The following RNF216 variants were observed in gnomAD, a reference collection of about 807,000 sequenced individuals.
The protein encoded by RNF216 is ring finger protein 216, also known as E3 ubiquitin-protein ligase RNF216.
Under a neutral mutation model 110.8 loss-of-function variants are expected in RNF216, and 72 were observed. The ratio of observed to expected loss-of-function variants is 0.65; its 90% CI spans 0.54 to 0.79. RNF216 has a LOEUF of 0.79. Ranked by LOEUF, RNF216 falls within the 30% of genes least tolerant of loss-of-function variation. The pLI, the probability that RNF216 is intolerant of heterozygous loss-of-function variation, is 0.00. For synonymous variants in RNF216, 495 were observed against 407.5 expected (o/e 1.21, Z -2.59); for missense variants, 1,342 against 1,141.2 (o/e 1.18, Z -2.54).
intron 12 of RNF216, 184 bp from the exon 13 acceptor site, chr7:5,712,023 A>G (rs909613171): frequency 3.4e-6 from 2 of 590,088 alleles, no homozygotes; most frequent in South Asian, 2.1e-5. Context: ...TTATCAGGAA[A>G]CATAAGCACC....
chr7:5,652,987 A>C (rs1284540108), intron 13 of RNF216, among the ~76,000 whole-genome samples: 1 of 152,202 alleles, frequency 6.6e-6, no homozygotes, highest in Admixed American at 6.5e-5. Flanking sequence ...TGGGTTTTTA[A>C]AACACAGTAG....
intron 13 of RNF216, among the ~76,000 whole-genome samples, chr7:5,678,558 G>A (rs1238950687): frequency 6.6e-6 from 1 of 152,180 alleles, no homozygotes; most frequent in East Asian, 1.9e-4. Flanking sequence ...AGTGACCTCA[G>A]GTGAGTGACC....
At chr7:5,773,953 A>T (rs1387269809) in intron 1 of RNF216, among the ~76,000 whole-genome samples, 2 of 152,170 alleles carry the variant, frequency 1.3e-5, no homozygotes, top group Non-Finnish European at 2.9e-5. Flanking sequence ...AGTCATTTTT[A>T]CAGCTAATTT....
chr7:5,650,819 G>T (rs900831943), intron 14 of RNF216, among the ~76,000 whole-genome samples: 3 of 152,084 alleles, frequency 2.0e-5, no homozygotes, highest in African/African-American at 7.2e-5. Context: ...TACAACCAAG[G>T]GCAAATCACA....
At position 5,622,862 on chromosome 7, in the gene RNF216, A is replaced by G. The variant is rs1293995044; in HGVS notation, c.2770T>C (p.Ter924ArgextTer15). 2 of 1,598,350 alleles carry G rather than the reference A, an allele frequency of 1.3e-6. No homozygotes were observed. The highest frequency in any genetic ancestry group is 1.7e-6 in the Non-Finnish European group (2 of 1,170,128). Residue 924 changes from the stop codon to arginine (R), a stop_lost, in exon 17 of 17, where the codon TGA (stop) becomes CGA (arginine). Transcript: ENST00000389902. ...TGCTCAATGGGGATTCGGGGCCATC[A>G]GAAGCGATGCCGCGGCTGGGGGCCA... Reference protein sequence around the residue: ...HFGPQPRHRF* With the variant: ...HFGPQPRHRFR
At chr7:5,710,379 A>G (rs918696091) in intron 13 of RNF216, among the ~76,000 whole-genome samples, 2 of 151,146 alleles carry the variant, frequency 1.3e-5, no homozygotes, top group Admixed American at 1.3e-4. Flanking sequence ...AAACAAAAAC[A>G]AAAACAAAAA....
intron 14 of RNF216, among the ~76,000 whole-genome samples, chr7:5,643,887 C>T (rs1311827597): frequency 6.6e-6 from 1 of 152,198 alleles, no homozygotes; most frequent in African/African-American, 2.4e-5. Context: ...CTACAGATTG[C>T]CATTCTGAGG....
intron 1 of RNF216, among the ~76,000 whole-genome samples, chr7:5,771,534 T>C (rs567715574): frequency 1.3e-5 from 2 of 152,316 alleles, no homozygotes; most frequent in South Asian, 4.1e-4. Flanking sequence ...CAGTGGCTCA[T>C]GCCTGTAATC....
chr7:5,662,738 T>C (rs182702594), intron 13 of RNF216, among the ~76,000 whole-genome samples: 7 of 152,204 alleles, frequency 4.6e-5, no homozygotes, highest in Non-Finnish European at 5.9e-5. Context: ...AACTGTATAC[T>C]CTGAGGAAGA....
intron 1 of RNF216, among the ~76,000 whole-genome samples, chr7:5,766,480 G>T (rs1204453516): frequency 6.6e-6 from 1 of 151,790 alleles, no homozygotes; most frequent in African/African-American, 2.4e-5. Flanking sequence ...CCCTCATGAT[G>T]GCTGGGCACT....
At chr7:5,750,095 T>C (rs1347403021) in intron 3 of RNF216, among the ~76,000 whole-genome samples, 1 of 152,266 alleles carries the variant, frequency 6.6e-6, no homozygotes, top group East Asian at 1.9e-4. Context: ...AATATCATTA[T>C]TTGCATATCT....
At chr7:5,770,188 G>A (rs140591253) in intron 1 of RNF216, among the ~76,000 whole-genome samples, 12 of 152,008 alleles carry the variant, frequency 7.9e-5, no homozygotes, top group South Asian at 2.1e-4. Context: ...TGGGCTGGGC[G>A]CCGTGGCTCA....
intron 14 of RNF216, among the ~76,000 whole-genome samples, chr7:5,646,111 T>C (rs1358728774): frequency 6.6e-6 from 1 of 152,218 alleles, no homozygotes; most frequent in Non-Finnish European, 1.5e-5. Context: ...TATAAATTAT[T>C]GTTGAAAACT....
At chr7:5,755,318 A>G (rs1354205599) in intron 2 of RNF216, among the ~76,000 whole-genome samples, 1 of 152,194 alleles carries the variant, frequency 6.6e-6, no homozygotes, top group African/African-American at 2.4e-5. Flanking sequence ...ACCACACAAC[A>G]CACCACATGT....
chr7:5,636,014 G>A (rs1787376234), intron 15 of RNF216, among the ~76,000 whole-genome samples: 1 of 152,118 alleles, frequency 6.6e-6, no homozygotes, highest in African/African-American at 2.4e-5. Flanking sequence ...AGACAAACAC[G>A]GACTTTGTTT....
chr7:5,704,354 T>A (rs1302683655), intron 13 of RNF216, among the ~76,000 whole-genome samples: 3 of 152,160 alleles, frequency 2.0e-5, no homozygotes, highest in Non-Finnish European at 2.9e-5. Context: ...CTCACACGGG[T>A]CAAAATTAGC....
At chr7:5,675,385 C>T (rs1041127640) in intron 13 of RNF216, among the ~76,000 whole-genome samples, 3 of 152,144 alleles carry the variant, frequency 2.0e-5, no homozygotes, top group African/African-American at 7.2e-5. Context: ...GCCTGTAAAT[C>T]CCAGCACTTT....
chr7:5,769,837 G>C (rs377420292), intron 1 of RNF216, among the ~76,000 whole-genome samples: 2 of 151,522 alleles, frequency 1.3e-5, no homozygotes. Flanking sequence ...AGGAGTTTGA[G>C]ACCAGCCTGG....
intron 3 of RNF216, among the ~76,000 whole-genome samples, chr7:5,745,932 T>C (rs1655209291): frequency 6.7e-6 from 1 of 149,174 alleles, no homozygotes; most frequent in Non-Finnish European, 1.5e-5. Context: ...GAACACTTAC[T>C]CTCCATTTTG....
Sources: allele counts gnomAD v4.1 joint callset (sites outside exome capture counted in the v4.1 genomes callset), GRCh38; gene constraint gnomAD v4.1.1; transcripts MANE v1.5; gene names NCBI Gene and HGNC (gene_info 2026-07-23, HGNC 2026-07-21).